The following ZC3H15 variants were observed in gnomAD, a reference collection of about 807,000 sequenced individuals.
ZC3H15 encodes the protein zinc finger CCCH domain-containing protein 15.
A neutral mutation model predicts 51.2 loss-of-function variants in ZC3H15; 15 were observed. The ratio of observed to expected loss-of-function variants is 0.29; its 90% CI spans 0.20 to 0.45. The LOEUF is 0.45. Among genes scored for constraint, ZC3H15 ranks in the 20% least tolerant of loss-of-function variants. The pLI is 1.00. For missense variants in ZC3H15, 381 were observed against 494.7 expected, an observed-to-expected ratio of 0.77 and a Z score of 2.18; for synonymous variants, 144 against 162.8, an observed-to-expected ratio of 0.88 and a Z score of 0.88.
At chr2:186,493,905 C>G (rs377218539) in intron 1 of ZC3H15, among the ~76,000 whole-genome samples, 1 of 148,912 alleles carries the variant, frequency 6.7e-6, no homozygotes, top group Admixed American at 6.8e-5. Context: ...CTCATTACAT[C>G]TGTGAAGACC....
chr2:186,486,498 C>T (rs978562005), intron 1 of ZC3H15, 41 bp downstream of exon 1: 5 of 1,510,974 alleles, frequency 3.3e-6, no homozygotes, highest in Admixed American at 4.3e-5. Flanking sequence ...GCGAGCCCTC[C>T]GGAAAGCCAC....
chr2:186,495,463 C>A, intron 2 of ZC3H15, 129 bp downstream of exon 2: 2 of 596,718 alleles, frequency 3.4e-6, no homozygotes, highest in Non-Finnish European at 5.4e-6. Context: ...TGTTTTTGCA[C>A]CTTGGCCTTC....
intron 1 of ZC3H15, among the ~76,000 whole-genome samples, chr2:186,490,374 A>G (rs1574421436): frequency 2.0e-5 from 3 of 152,230 alleles, no homozygotes; most frequent in East Asian, 3.8e-4. Flanking sequence ...AAGAACTTGT[A>G]TCAGCAAGGA....
intron 6 of ZC3H15, 38 bp from the exon 7 acceptor site, chr2:186,505,413 A>G: frequency 1.3e-6 from 2 of 1,510,738 alleles, no homozygotes; most frequent in Non-Finnish European, 1.8e-6. Context: ...ATTTGAGGTG[A>G]CTTCTGTGGA....
At chr2:186,498,323 G>A (rs185378998) in intron 2 of ZC3H15, among the ~76,000 whole-genome samples, 25 of 152,180 alleles carry the variant, frequency 1.6e-4, no homozygotes, top group Admixed American at 4.6e-4. Flanking sequence ...CATGGAGTCT[G>A]AGCATTTTAA....
At chr2:186,498,183 A>G (rs62200581) in intron 2 of ZC3H15, among the ~76,000 whole-genome samples, 5,312 of 152,286 alleles carry the variant, frequency 0.035, 122 homozygotes, top group South Asian at 0.092. Context: ...GCCTGCATCC[A>G]TACCCTTTCC....
chr2:186,491,690 G>A (rs951550088), intron 1 of ZC3H15, among the ~76,000 whole-genome samples: 2 of 152,236 alleles, frequency 1.3e-5, no homozygotes, highest in Non-Finnish European at 2.9e-5. Flanking sequence ...GCACTATACA[G>A]CCAGCCCCTT....
In ZC3H15 at chr2:186,505,487, C is replaced by G. The variant is rs769076277; in HGVS notation, c.754C>G (p.Leu252Val). The G allele has an allele frequency of 6.3e-7, 1 of 1,585,626 alleles. No individual in the cohort carries two copies. The highest frequency in any genetic ancestry group is 8.5e-7 in the Non-Finnish European group (1 of 1,170,354). The change falls in exon 7 of 10, where the codon CTA becomes GTA. Residue 252 changes from leucine (L) to valine (V), a missense_variant. This residue lies in a region of ZC3H15 where 215 missense variants were observed against 241.8 expected (regional missense o/e 0.89). Transcript: ENST00000337859. Reference sequence around the variant, plus strand: ...AGGTCCAAATGTTACCAAAATCACTCTAGAATCTTTTCTTGCCTGGAAGAA... The same window carrying G: ...AGGTCCAAATGTTACCAAAATCACTGTAGAATCTTTTCTTGCCTGGAAGAA... ...ALGPNVTKIT[L>V]ESFLAWKKRK... is the part of the protein sequence containing the mutation.
chr2:186,505,927 A>G, intron 8 of ZC3H15, 86 bp downstream of exon 8: 1 of 1,395,498 alleles, frequency 7.2e-7, no homozygotes, highest in Non-Finnish European at 1.0e-6. Flanking sequence ...AGCCACCAAC[A>G]TCAGAGCCAC....
chr2:186,498,086 C>T (rs1322766557), intron 2 of ZC3H15, among the ~76,000 whole-genome samples: 1 of 152,202 alleles, frequency 6.6e-6, no homozygotes, highest in African/African-American at 2.4e-5. Flanking sequence ...CTACAAAGGC[C>T]TCTCCACCAT....
At chr2:186,504,361 C>G (rs1461991577) in intron 6 of ZC3H15, 147 bp downstream of exon 6, 1 of 618,920 alleles carries the variant, frequency 1.6e-6, no homozygotes, top group African/African-American at 1.9e-5. Context: ...TTTAATTATT[C>G]TTGTATGTGT....
At chr2:186,503,638 C>T (rs1283516819) in intron 5 of ZC3H15, among the ~76,000 whole-genome samples, 1 of 152,196 alleles carries the variant, frequency 6.6e-6, no homozygotes, top group African/African-American at 2.4e-5. Context: ...GCCTCGGCCT[C>T]CCAAAGTGCT....
chr2:186,504,744 G>A (rs2105593569), intron 6 of ZC3H15, among the ~76,000 whole-genome samples: 1 of 152,240 alleles, frequency 6.6e-6, no homozygotes, highest in Non-Finnish European at 1.5e-5. Flanking sequence ...TGAAAATTTT[G>A]AGATTATTAG....
intron 1 of ZC3H15, among the ~76,000 whole-genome samples, chr2:186,490,040 C>T (rs778085743): frequency 1.3e-5 from 2 of 152,196 alleles, no homozygotes; most frequent in Non-Finnish European, 2.9e-5. Context: ...CTGATCTGCA[C>T]AGTCTATACA....
At chr2:186,505,956 C>T (rs1173249570) in intron 8 of ZC3H15, 115 bp downstream of exon 8, 2 of 1,032,560 alleles carry the variant, frequency 1.9e-6, no homozygotes, top group South Asian at 2.7e-5. Flanking sequence ...GGTTCAAATC[C>T]TTACTCCAAC....
chr2:186,494,873 G>A (rs1284291223), intron 1 of ZC3H15, among the ~76,000 whole-genome samples: 4 of 151,960 alleles, frequency 2.6e-5, no homozygotes, highest in African/African-American at 7.3e-5. Context: ...TGTAAATGAC[G>A]AGTTAATGGG....
In ZC3H15 at chr2:186,507,330, A is replaced by T. The variant is rs1685484844; in HGVS notation, c.1090+494A>T. ...GTTATAGGAATAGGGTGCCAGTTTC[A>T]TTGAGACTGCAATGATAACGGTGAG... On this transcript the variant is annotated intron_variant, in intron 9 of 9. Coordinates refer to ENST00000337859, the MANE Select transcript of ZC3H15 (RefSeq NM_018471.3). 4 of 452,724 alleles carry T rather than the reference A, an allele frequency of 8.8e-6. No individual in the cohort carries two copies. The Admixed American group carries it at 9.5e-5, about 11-fold the overall frequency. The allele number at this position is 452,724 out of a possible 1,614,324, so 28.0% of individuals were successfully genotyped here. A position where few individuals can be genotyped will look rare whatever the true frequency, so the allele number is the denominator to read the frequency against.
chr2:186,504,203 A>ATTGAGAGAGAG lies in ZC3H15; in HGVS notation c.707_717dup (p.Arg240LeufsTer8). On this transcript the variant is annotated frameshift_variant, in exon 6 of 10. Coordinates refer to ENST00000337859, the MANE Select transcript of ZC3H15 (RefSeq NM_018471.3). LOFTEE classifies it high-confidence loss of function. ...AGATGAAATTTCATTAGAAGATCTA[A>ATTGAGAGAGAG]TTGAGAGAGAGGTAACTGGTATCCT... The ATTGAGAGAGAG allele has an allele frequency of 6.3e-7, 1 of 1,594,234 alleles. No individual in the cohort carries two copies. The highest frequency in any genetic ancestry group is 8.5e-7 in the Non-Finnish European group (1 of 1,169,892).
chr2:186,505,923 C>A, intron 8 of ZC3H15, 82 bp downstream of exon 8: 2 of 1,421,346 alleles, frequency 1.4e-6, no homozygotes, highest in Non-Finnish European at 2.0e-6. Context: ...TAAGAGCCAC[C>A]AACATCAGAG....
Sources: allele counts gnomAD v4.1 joint callset (sites outside exome capture counted in the v4.1 genomes callset), GRCh38; gene constraint gnomAD v4.1.1; regional missense constraint gnomAD v4.1.1; transcripts MANE v1.5; gene names NCBI Gene and HGNC (gene_info 2026-07-23, HGNC 2026-07-21).